The following SUFU variants were observed in gnomAD, a reference collection of about 807,000 sequenced individuals.
SUFU encodes SUFU negative regulator of hedgehog signaling.
A neutral mutation model predicts 58.9 loss-of-function variants in SUFU; 7 were observed. That is an observed-to-expected ratio of 0.12 (90% confidence interval 0.07 to 0.22). The LOEUF (loss-of-function observed/expected upper bound fraction) is 0.22, where lower values mean the gene tolerates loss of function less well. Ranked by LOEUF, SUFU falls within the 10% of genes least tolerant of loss-of-function variation. The pLI is 1.00. For missense variants in SUFU, 451 were observed against 641.3 expected (o/e 0.70, Z 3.20); for synonymous variants, 232 against 254.8 (o/e 0.91, Z 0.85).
intron 2 of SUFU, among the ~76,000 whole-genome samples, chr10:102,520,421 T>G (rs1253499335): frequency 1.3e-5 from 2 of 151,726 alleles, no homozygotes; most frequent in Non-Finnish European, 2.9e-5. Context: ...GGTTCTACCA[T>G]GTTGGCCAGG....
chr10:102,572,849 G>GGGTGTT (rs538297873), intron 3 of SUFU: 72 of 807,070 alleles, frequency 8.9e-5, no homozygotes, highest in African/African-American at 4.2e-4. Context: ...CGCTGAATCA[G>GGGTGTT]GGTGTTGACC....
rs115076998 is a variant in SUFU, at chr10:102,549,917, G to T, written c.318-53G>T. The stretch of plus-strand genomic sequence containing the variant: ...GGGAGAACTTTAGACTTTCAAGAGA[G>T]TGTTTTTCCTAAGGTAATTGAGCTT... On this transcript the variant is annotated intron_variant, in intron 2 of 11. Transcript: ENST00000369902. 5.4e-4 allele frequency: 872 copies of T among 1,611,460 alleles called. 3 individuals carry two copies. In the African/African-American group the frequency reaches 0.011, roughly 20 times the overall value.
At position 102,573,711 on chromosome 10, in the gene SUFU, A is replaced by G. The variant is rs533279405; in HGVS notation, c.455-18871A>G. On this transcript the variant is annotated intron_variant, in intron 3 of 11. Coordinates refer to ENST00000369902, the MANE Select transcript of SUFU (RefSeq NM_016169.4). ...GATGAACCCAGGAGACATTATGGCA[A>G]GTGAAATAAGCCAGACACAAAAAGA... is the stretch of plus-strand genomic sequence containing the variant. Among the ~76,000 whole-genome samples, 4 of 152,352 alleles carry G rather than the reference A, an allele frequency of 2.6e-5. No homozygotes were observed. In the South Asian group the frequency reaches 8.3e-4, roughly 32 times the overall value.
intron 2 of SUFU, among the ~76,000 whole-genome samples, chr10:102,537,286 A>C (rs1256163349): frequency 1.3e-5 from 2 of 151,814 alleles, no homozygotes; most frequent in Admixed American, 6.6e-5. Context: ...GCACACCACC[A>C]TGGCCAGCTA....
chr10:102,537,609 T>C (rs2062756181), intron 2 of SUFU, among the ~76,000 whole-genome samples: 1 of 152,220 alleles, frequency 6.6e-6, no homozygotes, highest in South Asian at 2.1e-4. Context: ...TCTGTCTCTA[T>C]GAATGTGACT....
chr10:102,552,004 C>T (rs1036155775), intron 3 of SUFU, among the ~76,000 whole-genome samples: 9 of 151,932 alleles, frequency 5.9e-5, no homozygotes, highest in Non-Finnish European at 1.2e-4. Context: ...GGATTACAGG[C>T]GTGAGCCACT....
chr10:102,626,204 A>C (rs2063785190), intron 10 of SUFU, among the ~76,000 whole-genome samples: 1 of 151,700 alleles, frequency 6.6e-6, no homozygotes, highest in African/African-American at 2.4e-5. Flanking sequence ...AGACACCCTC[A>C]CCCAGGGCGT....
chr10:102,539,438 T>A (rs191496330), intron 2 of SUFU, among the ~76,000 whole-genome samples: 1 of 87,308 alleles, frequency 1.1e-5, no homozygotes, highest in Non-Finnish European at 3.0e-5. Context: ...ACTTTGATTG[T>A]TTGGTTAAGG....
intron 3 of SUFU, among the ~76,000 whole-genome samples, chr10:102,571,505 A>AAAACAAAC (rs71016392): frequency 2.0e-5 from 3 of 151,850 alleles, no homozygotes; most frequent in South Asian, 2.1e-4. Context: ...TCTCTACTAA[A>AAAACAAAC]AAACAAACAA....
chr10:102,527,001 T>G (rs1235856115), intron 2 of SUFU, among the ~76,000 whole-genome samples: 2 of 141,838 alleles, frequency 1.4e-5, no homozygotes, highest in Non-Finnish European at 3.1e-5. Flanking sequence ...TTGTTTTTTT[T>G]TTTTTTTTTT....
intron 8 of SUFU, among the ~76,000 whole-genome samples, chr10:102,600,212 C>T (rs550700734): frequency 6.6e-6 from 1 of 152,268 alleles, no homozygotes; most frequent in African/African-American, 2.4e-5. Flanking sequence ...GCCCTTAGTC[C>T]CAGGGCAGCT....
Position 102,514,666 on chromosome 10 carries a change from G to A in SUFU, c.317+5363G>A, listed in dbSNP as rs192903707. On this transcript the variant is annotated intron_variant, in intron 2 of 11. Coordinates refer to ENST00000369902, the MANE Select transcript of SUFU (RefSeq NM_016169.4). ...GACAGCTGAGCCTCAGCTGCCAAGT[G>A]CTGTCGGAGCTTGCAGCTCTGGCCT... Among the ~76,000 whole-genome samples, 5 of 152,366 alleles carry A rather than the reference G, an allele frequency of 3.3e-5. No individual in the cohort carries two copies. The East Asian group carries it at 9.6e-4, about 29-fold the overall frequency.
intron 3 of SUFU, among the ~76,000 whole-genome samples, chr10:102,552,569 GA>G (rs370151268): frequency 5.9e-5 from 9 of 151,412 alleles, no homozygotes; most frequent in East Asian, 3.9e-4. Context: ...ATCCTGAATT[GA>G]AAAAAAAGGG....
chr10:102,558,447 G>C (rs1177171805), intron 3 of SUFU, among the ~76,000 whole-genome samples: 8 of 152,170 alleles, frequency 5.3e-5, no homozygotes, highest in Admixed American at 5.2e-4. Context: ...CTGGGCTCAA[G>C]TGCTCTACCC....
intron 8 of SUFU, among the ~76,000 whole-genome samples, chr10:102,613,197 A>C (rs562864947): frequency 1.1e-4 from 17 of 152,256 alleles, no homozygotes; most frequent in Non-Finnish European, 2.2e-4. Context: ...ACAACCTCAG[A>C]GTTTCCTTCC....
intron 3 of SUFU, among the ~76,000 whole-genome samples, chr10:102,589,442 C>CTTTTTCTTTTTT (rs2063371740): frequency 1.5e-5 from 1 of 65,358 alleles, no homozygotes; most frequent in African/African-American, 6.3e-5. Context: ...TTCTTTCTTT[C>CTTTTTCTTTTTT]TTTTTTTTTT....
intron 8 of SUFU, among the ~76,000 whole-genome samples, chr10:102,606,150 T>G (rs1204105125): frequency 6.6e-6 from 1 of 152,206 alleles, no homozygotes; most frequent in East Asian, 1.9e-4. Context: ...GCATGTACTA[T>G]GAACTGTACA....
At chr10:102,523,206 C>G (rs1374556910) in intron 2 of SUFU, among the ~76,000 whole-genome samples, 2 of 152,200 alleles carry the variant, frequency 1.3e-5, no homozygotes, top group East Asian at 3.8e-4. Flanking sequence ...CTTCCTACTC[C>G]TATGTTACTC....
In SUFU at chr10:102,592,567, G is replaced by T; in HGVS notation, c.455-15G>T. 1 of 1,613,928 alleles carries T rather than the reference G, an allele frequency of 6.2e-7. No homozygotes were observed. The highest frequency in any genetic ancestry group is 1.1e-5 in the South Asian group (1 of 91,082). On this transcript the variant is annotated splice_polypyrimidine_tract_variant and intron_variant, in intron 3 of 11. Coordinates refer to ENST00000369902, the MANE Select transcript of SUFU (RefSeq NM_016169.4). ...GGGGCCTTGAACAATGAGGATCCTT[G>T]TATCTCTCCCACAGAGAACACCTTC...
Sources: gnomAD v4.1 joint callset for allele counts (sites outside exome capture counted in the v4.1 genomes callset) on GRCh38, gnomAD v4.1.1 for gene constraint, MANE v1.5 for transcripts, NCBI Gene and HGNC (gene_info 2026-07-23, HGNC 2026-07-21) for gene names.